The following SHANK2 variants were observed in gnomAD, a reference collection of about 807,000 sequenced individuals.
The protein encoded by SHANK2 is SH3 and multiple ankyrin repeat domains protein 2.
In SHANK2, 43 loss-of-function variants were observed where a neutral mutation model predicts 133.7. That is an observed-to-expected ratio of 0.32 (90% CI 0.25 to 0.41). The LOEUF is 0.41. Among genes scored for constraint, SHANK2 ranks in the 10% least tolerant of loss-of-function variants. The pLI, the probability that SHANK2 is intolerant of heterozygous loss-of-function variation, is 1.00. For synonymous variants in SHANK2, 1,017 were observed against 952.8 expected, an observed-to-expected ratio of 1.07 and a Z score of -1.24; for missense variants, 1,994 against 2,235.8, an observed-to-expected ratio of 0.89 and a Z score of 2.18.
intron 17 of SHANK2, among the ~76,000 whole-genome samples, chr11:70,625,233 G>A (rs543497377): frequency 6.6e-6 from 1 of 152,278 alleles, no homozygotes; most frequent in South Asian, 2.1e-4. Flanking sequence ...CAGAGATGAC[G>A]TGTGACAACA....
intron 19 of SHANK2, 89 bp from the exon 20 acceptor site, chr11:70,502,020 C>T (rs1591510574): frequency 6.9e-7 from 1 of 1,452,628 alleles, no homozygotes; most frequent in African/African-American, 1.4e-5. Flanking sequence ...CCCCGCGAGG[C>T]TCCGAGGGAG....
chr11:70,503,510 G>A (rs2059091358), intron 17 of SHANK2, among the ~76,000 whole-genome samples: 1 of 152,250 alleles, frequency 6.6e-6, no homozygotes, highest in Admixed American at 6.5e-5. Flanking sequence ...CCAGCAGGGT[G>A]CTTACAAGAG....
intron 2 of SHANK2, among the ~76,000 whole-genome samples, chr11:71,152,741 C>T (rs1375928295): frequency 6.6e-6 from 1 of 152,156 alleles, no homozygotes; most frequent in Non-Finnish European, 1.5e-5. Flanking sequence ...GGCTGGGTCA[C>T]ACCTCCCGGG....
intron 11 of SHANK2, among the ~76,000 whole-genome samples, chr11:70,834,565 A>T (rs1220769159): frequency 6.6e-6 from 1 of 152,226 alleles, no homozygotes; most frequent in Non-Finnish European, 1.5e-5. Context: ...CCCCCACCAG[A>T]TCCAAAATAG....
intron 12 of SHANK2, among the ~76,000 whole-genome samples, chr11:70,808,386 G>C (rs782642993): frequency 2.2e-4 from 33 of 151,714 alleles, no homozygotes; most frequent in Non-Finnish European, 4.1e-4. Flanking sequence ...ATTTTTAGTA[G>C]AGATGCGGTT....
chr11:71,088,853 C>A (rs1159022279), intron 8 of SHANK2, among the ~76,000 whole-genome samples: 1 of 148,716 alleles, frequency 6.7e-6, no homozygotes, highest in African/African-American at 2.5e-5. Flanking sequence ...ACTGCACCAC[C>A]CCACCAGAGG....
At chr11:70,612,701 C>T (rs975566949) in intron 17 of SHANK2, among the ~76,000 whole-genome samples, 18 of 152,246 alleles carry the variant, frequency 1.2e-4, no homozygotes, top group African/African-American at 3.4e-4. Flanking sequence ...GCAATTCCCG[C>T]GCTCTATCTA....
chr11:70,813,831 C>T (rs1362120116), intron 12 of SHANK2, among the ~76,000 whole-genome samples: 1 of 152,200 alleles, frequency 6.6e-6, no homozygotes, highest in Non-Finnish European at 1.5e-5. Flanking sequence ...CGCACCCAAG[C>T]CCTGTGCGTC....
intron 17 of SHANK2, among the ~76,000 whole-genome samples, chr11:70,512,991 C>T (rs1417740716): frequency 2.6e-5 from 4 of 152,086 alleles, no homozygotes; most frequent in African/African-American, 7.2e-5. Flanking sequence ...AACTCTTCTG[C>T]AGGTAATAGC....
In SHANK2 at chr11:70,527,146, C is replaced by T. The variant is rs544992561; in HGVS notation, c.2062-24215G>A. ...TCTGATTCCACAGCTGTGGTCTGGG[C>T]GGGCCCTGTGTGGGGAGGGAGAGCC... On this transcript the variant is annotated intron_variant, in intron 17 of 25. Transcript: ENST00000601538. 1.2e-4 allele frequency among the ~76,000 whole-genome samples: 19 copies of T among 152,332 alleles called. No individual in the cohort carries two copies. In the South Asian group the frequency reaches 2.5e-3, roughly 20 times the overall value.
intron 17 of SHANK2, among the ~76,000 whole-genome samples, chr11:70,646,819 C>T (rs2061267107): frequency 9.4e-6 from 1 of 106,040 alleles, no homozygotes; most frequent in Non-Finnish European, 2.1e-5. Context: ...AGGAATCTAA[C>T]TTTTATTTAT....
intron 13 of SHANK2, among the ~76,000 whole-genome samples, chr11:70,800,172 A>G (rs1259892999): frequency 6.6e-6 from 1 of 152,152 alleles, no homozygotes; most frequent in Non-Finnish European, 1.5e-5. Flanking sequence ...ACAGGCGTGT[A>G]CCACGACACC....
chr11:70,607,380 C>T (rs915739482), intron 17 of SHANK2, among the ~76,000 whole-genome samples: 1 of 152,156 alleles, frequency 6.6e-6, no homozygotes, highest in African/African-American at 2.4e-5. Context: ...TATGTGCCTG[C>T]CCCACACCCA....
At chr11:70,681,216 C>T (rs1400668486) in intron 15 of SHANK2, among the ~76,000 whole-genome samples, 1 of 152,202 alleles carries the variant, frequency 6.6e-6, no homozygotes, top group Non-Finnish European at 1.5e-5. Flanking sequence ...CTCTGCTGCT[C>T]AGCGTGGGGT....
chr11:71,149,451 C>T lies in SHANK2; in HGVS notation c.-12-2113G>A, dbSNP rs117936324. On this transcript the variant is annotated intron_variant, in intron 2 of 25. Transcript: ENST00000601538. ...CCTTTCCCTTTGTCTTGTCGCTTCT[C>T]TACAAATGTACTGTTCCTGCTCTGA... Among the ~76,000 whole-genome samples, 25 of 152,328 alleles carry T rather than the reference C, an allele frequency of 1.6e-4. No individual in the cohort carries two copies. In the East Asian group the frequency reaches 4.3e-3, roughly 26 times the overall value.
chr11:70,848,972 TG>T (rs1199412596), intron 11 of SHANK2, among the ~76,000 whole-genome samples: 24 of 152,286 alleles, frequency 1.6e-4, no homozygotes, highest in Admixed American at 3.9e-4. Flanking sequence ...GACCTTGCTC[TG>T]AGGCTTGATG....
chr11:70,824,557 C>T (rs1394416384), intron 11 of SHANK2, among the ~76,000 whole-genome samples: 4 of 152,192 alleles, frequency 2.6e-5, no homozygotes, highest in African/African-American at 9.7e-5. Context: ...GACATCTCTC[C>T]TTCCAGAGCC....
chr11:70,670,225 C>T (rs782472643), intron 15 of SHANK2, among the ~76,000 whole-genome samples: 1 of 152,112 alleles, frequency 6.6e-6, no homozygotes, highest in Non-Finnish European at 1.5e-5. Context: ...CTGGTATAAT[C>T]GCATTTCAGT....
intron 1 of SHANK2, among the ~76,000 whole-genome samples, chr11:71,235,839 G>C (rs1237398219): frequency 1.2e-4 from 19 of 152,158 alleles, no homozygotes; most frequent in African/African-American, 4.3e-4. Flanking sequence ...GTGGGGAGTG[G>C]CTGCCGTGAC....
Sources: gnomAD v4.1 joint callset for allele counts (sites outside exome capture counted in the v4.1 genomes callset) on GRCh38, gnomAD v4.1.1 for gene constraint, MANE v1.5 for transcripts, NCBI Gene and HGNC (gene_info 2026-07-23, HGNC 2026-07-21) for gene names.